The following STIM2 variants were observed in gnomAD, a reference collection of about 807,000 sequenced individuals.
STIM2 encodes the protein stromal interaction molecule 2.
A neutral mutation model predicts 85.8 loss-of-function variants in STIM2; 31 were observed. That is an observed-to-expected ratio of 0.36 (90% CI 0.27 to 0.49). The LOEUF (loss-of-function observed/expected upper bound fraction) is 0.49. STIM2 is among the 20% of genes least tolerant of loss of function. The pLI, the probability that STIM2 is intolerant of heterozygous loss-of-function variation, is 0.98. For missense variants in STIM2, 841 were observed against 927.6 expected (o/e 0.91, Z 1.21); for synonymous variants, 356 against 331.1 (o/e 1.08, Z -0.82).
intron 1 of STIM2, among the ~76,000 whole-genome samples, chr4:26,883,842 A>C (rs1409551306): frequency 6.6e-6 from 1 of 152,194 alleles, no homozygotes; most frequent in Admixed American, 6.5e-5. Flanking sequence ...GAGCCATGTA[A>C]ATCTGCAAGG....
At chr4:26,899,700 T>C (rs1723846003) in intron 1 of STIM2, among the ~76,000 whole-genome samples, 1 of 152,214 alleles carries the variant, frequency 6.6e-6, no homozygotes, top group Non-Finnish European at 1.5e-5. Context: ...ATCTGTTTTG[T>C]GTCTATTTTT....
At chr4:26,950,579 G>A (rs571410338) in intron 2 of STIM2, among the ~76,000 whole-genome samples, 1 of 152,254 alleles carries the variant, frequency 6.6e-6, no homozygotes, top group African/African-American at 2.4e-5. Flanking sequence ...TTAGCCTTCT[G>A]CTATATTAGG....
chr4:26,867,661 G>A (rs965194970), intron 1 of STIM2, among the ~76,000 whole-genome samples: 1 of 152,186 alleles, frequency 6.6e-6, no homozygotes, highest in Non-Finnish European at 1.5e-5. Context: ...ATTGTTGTGT[G>A]AATTTCAAGC....
intron 3 of STIM2, among the ~76,000 whole-genome samples, chr4:26,982,121 C>T (rs1727419755): frequency 6.6e-6 from 1 of 152,004 alleles, no homozygotes; most frequent in African/African-American, 2.4e-5. Flanking sequence ...TCCATCATTC[C>T]TTCTACTTAC....
At chr4:27,020,438 A>G (rs951585578) in intron 11 of STIM2, among the ~76,000 whole-genome samples, 1 of 152,204 alleles carries the variant, frequency 6.6e-6, no homozygotes, top group Non-Finnish European at 1.5e-5. Context: ...TTCTGTTAGC[A>G]CTACCCATTA....
At chr4:26,894,105 G>T (rs1385843218) in intron 1 of STIM2, among the ~76,000 whole-genome samples, 1 of 152,030 alleles carries the variant, frequency 6.6e-6, no homozygotes, top group Non-Finnish European at 1.5e-5. Context: ...GCCAGACTGG[G>T]CTGGAACTCC....
chr4:26,888,368 T>A (rs973478339), intron 1 of STIM2, among the ~76,000 whole-genome samples: 8 of 152,234 alleles, frequency 5.3e-5, no homozygotes, highest in African/African-American at 1.9e-4. Context: ...GTAATGTTCA[T>A]TCTCCCTAAT....
At chr4:27,017,345 G>A (rs1013106201) in intron 10 of STIM2, among the ~76,000 whole-genome samples, 3 of 152,132 alleles carry the variant, frequency 2.0e-5, no homozygotes, top group African/African-American at 7.2e-5. Context: ...ACTTTATTCT[G>A]TTGTCCTTTC....
intron 2 of STIM2, among the ~76,000 whole-genome samples, chr4:26,955,385 A>T (rs1212887589): frequency 6.7e-6 from 1 of 148,244 alleles, no homozygotes; most frequent in Admixed American, 6.6e-5. Flanking sequence ...CGTAAATGAA[A>T]CAGTTGCCAT....
chr4:27,005,764 T>C (rs1728311940), intron 7 of STIM2, among the ~76,000 whole-genome samples: 1 of 152,240 alleles, frequency 6.6e-6, no homozygotes. Flanking sequence ...ATTGTTCAGC[T>C]TCAATTTATG....
At chr4:26,878,272 T>C (rs1391788272) in intron 1 of STIM2, among the ~76,000 whole-genome samples, 2 of 152,168 alleles carry the variant, frequency 1.3e-5, no homozygotes, top group African/African-American at 4.8e-5. Context: ...GTAGAACCTT[T>C]TCGGTCGTCC....
At chr4:26,907,658 C>T (rs898258216) in intron 1 of STIM2, among the ~76,000 whole-genome samples, 4 of 152,098 alleles carry the variant, frequency 2.6e-5, no homozygotes, top group African/African-American at 4.8e-5. Context: ...GCTAAATTAT[C>T]GTACTTTAAT....
intron 3 of STIM2, among the ~76,000 whole-genome samples, chr4:26,971,917 G>A (rs1236675105): frequency 1.3e-5 from 2 of 152,008 alleles, no homozygotes; most frequent in African/African-American, 2.4e-5. Flanking sequence ...TTATTTCCTT[G>A]AGCAGTGATT....
intron 8 of STIM2, 46 bp from the exon 9 acceptor site, chr4:27,008,380 CTG>C (rs1560238522): frequency 8.7e-7 from 1 of 1,148,070 alleles, no homozygotes; most frequent in East Asian, 2.5e-5. Flanking sequence ...ACAAAAATGT[CTG>C]TATTTTTTTC....
intron 8 of STIM2, 89 bp downstream of exon 8, chr4:27,007,789 TAA>T: frequency 7.5e-7 from 1 of 1,341,380 alleles, no homozygotes; most frequent in Non-Finnish European, 9.9e-7. Flanking sequence ...CAGATCTGAA[TAA>T]AAGTTTTATT....
intron 3 of STIM2, among the ~76,000 whole-genome samples, chr4:26,992,429 CAG>C (rs1444142924): frequency 3.3e-5 from 5 of 151,828 alleles, no homozygotes; most frequent in African/African-American, 4.8e-5. Flanking sequence ...GATTAATAAT[CAG>C]GGGCTGGGTG....
intron 10 of STIM2, among the ~76,000 whole-genome samples, chr4:27,013,211 G>A (rs1383145722): frequency 6.7e-6 from 1 of 150,162 alleles, no homozygotes; most frequent in Admixed American, 6.6e-5. Flanking sequence ...GTGGTCAACT[G>A]TGGTCTGAAA....
chr4:27,001,341 G>A (rs1728145490), intron 5 of STIM2, among the ~76,000 whole-genome samples: 1 of 152,160 alleles, frequency 6.6e-6, no homozygotes, highest in African/African-American at 2.4e-5. Flanking sequence ...TGATTTCTGT[G>A]TTTTGTATCA....
intron 1 of STIM2, among the ~76,000 whole-genome samples, chr4:26,885,731 G>A (rs1723193641): frequency 6.7e-6 from 1 of 149,328 alleles, no homozygotes; most frequent in Non-Finnish European, 1.5e-5. Context: ...TGGTTACCAG[G>A]CTATGTAGTT....
Sources: allele counts gnomAD v4.1 joint callset (sites outside exome capture counted in the v4.1 genomes callset), GRCh38; gene constraint gnomAD v4.1.1; transcripts MANE v1.5; gene names NCBI Gene and HGNC (gene_info 2026-07-23, HGNC 2026-07-21).